The following GTF2E2 variants were observed in gnomAD, a reference collection of about 807,000 sequenced individuals.
GTF2E2 encodes general transcription factor IIE subunit 2.
In GTF2E2, 21 loss-of-function variants were observed where a neutral mutation model predicts 40.5. The observed-to-expected ratio is 0.52, with a 90% CI of 0.37 to 0.75. The LOEUF (loss-of-function observed/expected upper bound fraction) is 0.75, where lower values mean the gene tolerates loss of function less well. GTF2E2 is among the 30% of genes least tolerant of loss of function. GTF2E2 has a pLI of 0.00. For synonymous variants in GTF2E2, 117 were observed against 121.6 expected, an observed-to-expected ratio of 0.96 and a Z score of 0.25; for missense variants, 298 against 338.4, an observed-to-expected ratio of 0.88 and a Z score of 0.94.
At chr8:30,579,692 ACT>A (rs537277450) in intron 7 of GTF2E2, among the ~76,000 whole-genome samples, 82 of 152,280 alleles carry the variant, frequency 5.4e-4, no homozygotes, top group African/African-American at 1.9e-3. Context: ...GGAGCACAGC[ACT>A]GCTAACAAGG....
At chr8:30,593,213 C>T (rs904602457) in intron 6 of GTF2E2, among the ~76,000 whole-genome samples, 2 of 152,128 alleles carry the variant, frequency 1.3e-5, no homozygotes, top group African/African-American at 2.4e-5. Flanking sequence ...AAGGAAAATA[C>T]ATGCACAGTA....
chr8:30,648,928 G>T (rs1415582873), intron 2 of GTF2E2, among the ~76,000 whole-genome samples: 1 of 152,160 alleles, frequency 6.6e-6, no homozygotes, highest in East Asian at 1.9e-4. Flanking sequence ...CCCTACAAGG[G>T]CTCTTCCTGC....
intron 2 of GTF2E2, chr8:30,645,676 G>C: frequency 7.2e-7 from 1 of 1,379,680 alleles, no homozygotes; most frequent in Admixed American, 2.7e-5. Flanking sequence ...GAGGCCAACT[G>C]TTGCTACAAA....
intron 2 of GTF2E2, chr8:30,636,898 A>T: frequency 2.5e-6 from 1 of 406,920 alleles, no homozygotes; most frequent in South Asian, 1.8e-5. Context: ...GTGCTTTTCC[A>T]TTCACTGTTT....
intron 2 of GTF2E2, among the ~76,000 whole-genome samples, chr8:30,636,334 C>T (rs540959247): frequency 6.6e-6 from 1 of 152,138 alleles, no homozygotes; most frequent in Admixed American, 6.6e-5. Flanking sequence ...GAGAGGAGAA[C>T]CAATCTCTGG....
chr8:30,627,667 A>T (rs531362618), intron 3 of GTF2E2, among the ~76,000 whole-genome samples: 14 of 152,264 alleles, frequency 9.2e-5, no homozygotes, highest in East Asian at 5.8e-4. Flanking sequence ...ATCACTATTT[A>T]AAAAAAGTCT....
chr8:30,595,377 C>T (rs376561334), intron 6 of GTF2E2, among the ~76,000 whole-genome samples: 6 of 152,130 alleles, frequency 3.9e-5, no homozygotes, highest in Non-Finnish European at 8.8e-5. Flanking sequence ...ATAATAAAAA[C>T]TCTATCTCCT....
At position 30,614,603 on chromosome 8, in the gene GTF2E2, C is replaced by G. The variant is rs1489223640; in HGVS notation, c.366+5G>C. 1.4e-6 allele frequency: 2 copies of G among 1,440,090 alleles called. No individual in the cohort carries two copies. Among genetic ancestry groups the G allele is most frequent in the Non-Finnish European group, 9.7e-7 (1 of 1,030,128 alleles). 89.2% of individuals were successfully genotyped at this position (1,440,090 alleles called of 1,614,324 possible). A position where few individuals can be genotyped will look rare whatever the true frequency, so the allele number is the denominator to read the frequency against. ...ATCTCTCTTGATAATCAACTAAATTCTTACCTCAGTCATTAGCCATTGTTT... is the reference window on the plus strand; with the variant it reads ...ATCTCTCTTGATAATCAACTAAATTGTTACCTCAGTCATTAGCCATTGTTT... On this transcript the variant is annotated splice_donor_5th_base_variant and intron_variant, in intron 4 of 7. Transcript: ENST00000355904.
At chr8:30,626,448 G>A (rs74901160) in intron 3 of GTF2E2, among the ~76,000 whole-genome samples, 7,639 of 152,252 alleles carry the variant, frequency 0.05, 625 homozygotes, top group African/African-American at 0.18. Context: ...TCACGCCATT[G>A]CACTCCATCC....
chr8:30,612,598 C>T (rs1829510253), intron 4 of GTF2E2, 117 bp from the exon 5 acceptor site: 1 of 504,698 alleles, frequency 2.0e-6, no homozygotes, highest in African/African-American at 1.9e-5. Context: ...GTGATCTCAG[C>T]TCACTGCAAC....
intron 6 of GTF2E2, among the ~76,000 whole-genome samples, chr8:30,582,020 ATTTATT>A (rs1554551366): frequency 6.6e-6 from 1 of 152,002 alleles, no homozygotes; most frequent in Non-Finnish European, 1.5e-5. Flanking sequence ...TTTAAAATTT[ATTTATT>A]TTTGAGACAG....
At chr8:30,624,568 T>C (rs2151138723) in intron 3 of GTF2E2, among the ~76,000 whole-genome samples, 1 of 152,240 alleles carries the variant, frequency 6.6e-6, no homozygotes, top group Non-Finnish European at 1.5e-5. Flanking sequence ...GGTAGCTTGA[T>C]GGGGATGGCA....
chr8:30,596,501 G>C (rs2151116129), intron 6 of GTF2E2, among the ~76,000 whole-genome samples: 1 of 152,176 alleles, frequency 6.6e-6, no homozygotes, highest in Middle Eastern at 3.4e-3. Context: ...GACCATACAA[G>C]TTGCCTGCCT....
intron 5 of GTF2E2, among the ~76,000 whole-genome samples, chr8:30,610,822 CAA>C (rs1563486420): frequency 6.6e-6 from 1 of 152,108 alleles, no homozygotes; most frequent in Non-Finnish European, 1.5e-5. Flanking sequence ...CAAAAATAGA[CAA>C]GAGTGCAGCA....
intron 2 of GTF2E2, among the ~76,000 whole-genome samples, chr8:30,639,238 A>G (rs1264252050): frequency 6.6e-6 from 1 of 152,190 alleles, no homozygotes; most frequent in Non-Finnish European, 1.5e-5. Context: ...GTATCACTAT[A>G]TGGGCTGCAT....
chr8:30,645,802 T>C (rs1802054434), intron 2 of GTF2E2: 2 of 541,966 alleles, frequency 3.7e-6, no homozygotes, highest in Non-Finnish European at 6.4e-6. Flanking sequence ...TTCATGAATG[T>C]GAATTTACTA....
rs775365025 is a variant in GTF2E2, at chr8:30,614,597, T to G, written c.366+11A>C. 12 of 1,380,864 alleles carry G rather than the reference T, an allele frequency of 8.7e-6. No individual in the cohort carries two copies. The highest frequency in any genetic ancestry group is 1.2e-5 in the Non-Finnish European group (12 of 976,464). The allele number at this position is 1,380,864 out of a possible 1,614,324, so 85.5% of individuals were successfully genotyped here. A position where few individuals can be genotyped will look rare whatever the true frequency, so the allele number is the denominator to read the frequency against. On this transcript the variant is annotated intron_variant, in intron 4 of 7. Transcript: ENST00000355904. ...CAGGAAATCTCTCTTGATAATCAACTAAATTCTTACCTCAGTCATTAGCCA... is the reference window on the plus strand; with the variant it reads ...CAGGAAATCTCTCTTGATAATCAACGAAATTCTTACCTCAGTCATTAGCCA...
chr8:30,588,465 C>A (rs1828745994), intron 6 of GTF2E2, among the ~76,000 whole-genome samples: 1 of 152,134 alleles, frequency 6.6e-6, no homozygotes, highest in Non-Finnish European at 1.5e-5. Flanking sequence ...ATAAGCCAGG[C>A]ACCGAATGAC....
chr8:30,630,751 C>A (rs1801416397), intron 3 of GTF2E2, among the ~76,000 whole-genome samples: 1 of 152,142 alleles, frequency 6.6e-6, no homozygotes, highest in African/African-American at 2.4e-5. Flanking sequence ...TGAATGGTAA[C>A]TGAGGTGCCG....
Sources: gnomAD v4.1 joint callset for allele counts (sites outside exome capture counted in the v4.1 genomes callset) on GRCh38, gnomAD v4.1.1 for gene constraint, MANE v1.5 for transcripts, NCBI Gene and HGNC (gene_info 2026-07-23, HGNC 2026-07-21) for gene names.